Variants in PHF19 observed in about 807,000 individuals in gnomAD.
PHF19 encodes polycomb like 3.
PHF19 carries 21 observed loss-of-function variants against 79.8 expected under a neutral mutation model. The observed-to-expected ratio is 0.26, with a 90% CI of 0.19 to 0.38. The LOEUF (loss-of-function observed/expected upper bound fraction) is 0.38. PHF19 is among the 10% of genes least tolerant of loss of function. The probability of loss-of-function intolerance (pLI) is 1.00; values close to 1 mark genes in which losing one functional copy is unlikely to be tolerated. For synonymous variants in PHF19, 273 were observed against 296.3 expected (o/e 0.92, Z 0.81); for missense variants, 445 against 744.2 (o/e 0.60, Z 4.68).
At chr9:120,868,716 A>T in intron 6 of PHF19, 1 of 452,334 alleles carries the variant, frequency 2.2e-6, no homozygotes, top group Non-Finnish European at 2.9e-6. Flanking sequence ...CCGCCCCTTG[A>T]GGCCTCGCCT....
intron 1 of PHF19, among the ~76,000 whole-genome samples, chr9:120,892,758 G>A (rs959654646): frequency 1.3e-5 from 2 of 150,912 alleles, no homozygotes; most frequent in African/African-American, 2.5e-5. Context: ...AAGAAGTTAA[G>A]TGCTTTCTGA....
At chr9:120,886,180 C>A (rs2046260240) in intron 1 of PHF19, among the ~76,000 whole-genome samples, 1 of 152,220 alleles carries the variant, frequency 6.6e-6, no homozygotes, top group South Asian at 2.1e-4. Context: ...GAGAGCCCAG[C>A]TGTGTGGGAC....
chr9:120,881,071 G>T (rs1392049549), upstream of PHF19, among the ~76,000 whole-genome samples: 2 of 151,522 alleles, frequency 1.3e-5, no homozygotes, highest in Non-Finnish European at 2.9e-5. Flanking sequence ...GGAAATCAAA[G>T]ACCCTAGATT....
rs368105816 is a variant in PHF19, at chr9:120,885,579, G to GA, written c.42+9208dup. ...GGTGACAGAGCAAGACTCTATCTTG[G>GA]AAAAAAAAAAAAAAAAACAAAGCAG... On this transcript the variant is annotated intron_variant, in intron 1 of 14. Transcript: ENST00000616568. Among the ~76,000 whole-genome samples the GA allele has an allele frequency of 3.0e-3, 423 of 141,582 alleles. 2 individuals carry two copies. Among genetic ancestry groups the GA allele is most frequent in the Admixed American group, 4.3e-3 (61 of 14,272 alleles). 92.9% of individuals were successfully genotyped at this position (141,582 alleles called of 152,430 possible).
chr9:120,883,718 C>T (rs1327712022), intron 1 of PHF19, among the ~76,000 whole-genome samples: 6 of 148,102 alleles, frequency 4.1e-5, no homozygotes, highest in Non-Finnish European at 5.9e-5. Flanking sequence ...GAGATCACAC[C>T]GTGCACTCCA....
intron 9 of PHF19, among the ~76,000 whole-genome samples, chr9:120,864,774 A>G (rs903305570): frequency 2.0e-5 from 3 of 152,252 alleles, no homozygotes; most frequent in Admixed American, 2.0e-4. Context: ...AAAATTGTAT[A>G]TACTGTATCA....
intron 3 of PHF19, 100 bp downstream of exon 3, chr9:120,873,867 AAGGGCAGATGCC>A (rs2045973190): frequency 1.5e-6 from 1 of 681,068 alleles, no homozygotes; most frequent in Non-Finnish European, 2.7e-6. Flanking sequence ...GTTCATGGTC[AAGGGCAGATGCC>A]AGGAGTAAGA....
chr9:120,864,950 A>G (rs1246138841), intron 9 of PHF19, among the ~76,000 whole-genome samples: 1 of 152,188 alleles, frequency 6.6e-6, no homozygotes, highest in South Asian at 2.1e-4. Flanking sequence ...GAATATGTAC[A>G]ATTAAAAAAA....
chr9:120,877,430 AGCCCCCGCCC>A (rs1304773088), upstream of PHF19: 124 of 856,418 alleles, frequency 1.4e-4, no homozygotes, highest in African/African-American at 8.0e-4. Flanking sequence ...CAGCGCCGCC[AGCCCCCGCCC>A]GCCCCCGCCC....
At chr9:120,881,553 T>A (rs2046185459), upstream of PHF19, among the ~76,000 whole-genome samples, 1 of 152,190 alleles carries the variant, frequency 6.6e-6, no homozygotes, top group Non-Finnish European at 1.5e-5. Flanking sequence ...GGGTGGTTGA[T>A]CCATAGTTGT....
At chr9:120,887,471 CTG>C (rs144230821) in intron 1 of PHF19, among the ~76,000 whole-genome samples, 2,478 of 152,228 alleles carry the variant, frequency 0.016, 67 homozygotes, top group African/African-American at 0.05. Context: ...AAAACAAAAA[CTG>C]AGGTTTCCTG....
At chr9:120,893,740 C>G (rs904311871) in intron 1 of PHF19, among the ~76,000 whole-genome samples, 2 of 152,174 alleles carry the variant, frequency 1.3e-5, no homozygotes, top group Admixed American at 6.5e-5. Flanking sequence ...GGTTGGACAC[C>G]AGGCAGACAG....
Position 120,874,155 on chromosome 9 carries a change from C to A in PHF19, c.187-95G>T. 1.4e-6 allele frequency: 1 copy of A among 718,002 alleles called. No homozygotes were observed. 44.5% of individuals were successfully genotyped at this position (718,002 alleles called of 1,614,324 possible). A position where few individuals can be genotyped will look rare whatever the true frequency, so the allele number is the denominator to read the frequency against. ...TCCCCCATTTTTGTCTCCGTATGTTCCAGAAAGCAGGGCTAGAAGGGGAAG... is the reference window on the plus strand; with the variant it reads ...TCCCCCATTTTTGTCTCCGTATGTTACAGAAAGCAGGGCTAGAAGGGGAAG... On this transcript the variant is annotated intron_variant, in intron 2 of 14. Coordinates refer to ENST00000373896, the MANE Select transcript of PHF19 (RefSeq NM_015651.3). The surrounding 1 kb of genome is among the most constrained non-coding windows in gnomAD (Gnocchi z 4.5).
In PHF19 at chr9:120,861,055, G is replaced by C. The variant is rs1433368469; in HGVS notation, c.1304+34C>G. On this transcript the variant is annotated intron_variant, in intron 13 of 14. Coordinates refer to ENST00000373896, the MANE Select transcript of PHF19 (RefSeq NM_015651.3). ...CTGCTTGGTTCCCTCCCTGTCTCCA[G>C]AGCAGACCTCTGTGCTAGGTCCCTC... is the stretch of plus-strand genomic sequence containing the variant. 6 of 1,217,832 alleles carry C rather than the reference G, an allele frequency of 4.9e-6. No homozygotes were observed. The South Asian group carries it at 6.0e-5, about 12-fold the overall frequency. 75.4% of individuals were successfully genotyped at this position (1,217,832 alleles called of 1,614,324 possible).
chr9:120,871,113 G>C (rs1302824666), intron 3 of PHF19, among the ~76,000 whole-genome samples: 1 of 152,192 alleles, frequency 6.6e-6, no homozygotes, highest in Non-Finnish European at 1.5e-5. Context: ...ATGTTGGCCA[G>C]GATGGTCTCG....
At chr9:120,863,903 CCCCTGG>C in intron 10 of PHF19, 140 bp downstream of exon 10, 1 of 718,584 alleles carries the variant, frequency 1.4e-6, no homozygotes, top group Non-Finnish European at 2.4e-6. Flanking sequence ...GGTGGGGTAC[CCCCTGG>C]ATCTCGGAGA....
exon 1 of PHF19, chr9:120,894,808 C>T (rs1306816493): frequency 3.3e-6 from 4 of 1,230,550 alleles, no homozygotes; most frequent in East Asian, 3.2e-5. Flanking sequence ...GGATAGGGAC[C>T]ACGGATTACC....
the PHF19 span, chr9:120,903,254 C>A: frequency 9.1e-3 from 1,380 of 152,372 alleles, 21 homozygotes; most frequent in Middle Eastern, 0.017. Context: ...GCATGGACGA[C>A]ACCATTGCAC....
At chr9:120,867,090 G>A (rs2045726287) in intron 6 of PHF19, 125 bp from the exon 7 acceptor site, 2 of 650,578 alleles carry the variant, frequency 3.1e-6, no homozygotes, top group Non-Finnish European at 5.7e-6. Flanking sequence ...CAGTTACTGA[G>A]CACTTAGGCT....
Sources: allele counts gnomAD v4.1 joint callset (sites outside exome capture counted in the v4.1 genomes callset), GRCh38; gene constraint gnomAD v4.1.1; non-coding constraint Gnocchi (gnomAD v3.1); transcripts MANE v1.5; gene names NCBI Gene and HGNC (gene_info 2026-07-23, HGNC 2026-07-21).